CDK14: variants seen among roughly 807,000 people sequenced by gnomAD.
CDK14 encodes cyclin-dependent kinase 14.
A neutral mutation model predicts 60.7 loss-of-function variants in CDK14; 34 were observed. The ratio of observed to expected loss-of-function variants is 0.56; its 90% CI spans 0.43 to 0.75. CDK14 has a LOEUF of 0.75. CDK14 is among the 30% of genes least tolerant of loss of function. The pLI is 0.00. For missense variants in CDK14, 482 were observed against 564.1 expected, an observed-to-expected ratio of 0.85 and a Z score of 1.47; for synonymous variants, 197 against 203.7, an observed-to-expected ratio of 0.97 and a Z score of 0.28.
chr7:90,828,377 A>G (rs1789796641), intron 5 of CDK14, among the ~76,000 whole-genome samples: 1 of 152,200 alleles, frequency 6.6e-6, no homozygotes, highest in South Asian at 2.1e-4. Flanking sequence ...GAGGATTCTA[A>G]GTCTCTACCT....
In CDK14 at chr7:90,947,094, G is replaced by C. The variant is rs531746019; in HGVS notation, c.827-8603G>C. ...TAACGATTTTCTCTTTTCTTCACAG[G>C]CTTTTTGTCTGATTATCTGGAGGCT... On this transcript the variant is annotated intron_variant, in intron 8 of 14. Coordinates refer to ENST00000380050, the MANE Select transcript of CDK14 (RefSeq NM_001287135.2). Among the ~76,000 whole-genome samples the C allele has an allele frequency of 2.0e-5, 3 of 152,236 alleles. No individual in the cohort carries two copies. The South Asian group carries it at 6.2e-4, about 32-fold the overall frequency.
intron 8 of CDK14, among the ~76,000 whole-genome samples, chr7:90,933,460 T>C (rs1793656898): frequency 6.6e-6 from 1 of 152,188 alleles, no homozygotes; most frequent in Non-Finnish European, 1.5e-5. Flanking sequence ...TGTAGTATCT[T>C]TTCAAATCTT....
chr7:91,194,653 A>G (rs1802478453), intron 14 of CDK14, among the ~76,000 whole-genome samples: 1 of 152,182 alleles, frequency 6.6e-6, no homozygotes, highest in African/African-American at 2.4e-5. Flanking sequence ...TTTAATACCA[A>G]CAGACTGGAA....
At chr7:90,876,481 C>T (rs759174881) in intron 6 of CDK14, among the ~76,000 whole-genome samples, 3 of 152,210 alleles carry the variant, frequency 2.0e-5, no homozygotes, top group South Asian at 2.1e-4. Flanking sequence ...TCCATGTTTT[C>T]GACTTCCATA....
At chr7:90,691,672 GAGA>G (rs1230891922) in intron 2 of CDK14, among the ~76,000 whole-genome samples, 5 of 152,262 alleles carry the variant, frequency 3.3e-5, no homozygotes, top group East Asian at 1.9e-4. Context: ...CAGCTATTCT[GAGA>G]AGAAGACAGT....
At chr7:90,675,718 C>G (rs1801185162) in intron 2 of CDK14, among the ~76,000 whole-genome samples, 1 of 152,154 alleles carries the variant, frequency 6.6e-6, no homozygotes, top group Admixed American at 6.5e-5. Flanking sequence ...AAGTATTGGC[C>G]TCCTTTCCAT....
intron 2 of CDK14, among the ~76,000 whole-genome samples, chr7:90,669,359 G>C (rs900678756): frequency 7.9e-5 from 12 of 152,200 alleles, no homozygotes; most frequent in African/African-American, 2.9e-4. Context: ...CCTACCCACA[G>C]TTTAGTCTAC....
At chr7:90,827,762 A>G (rs1289337593) in intron 5 of CDK14, among the ~76,000 whole-genome samples, 1 of 152,190 alleles carries the variant, frequency 6.6e-6, no homozygotes, top group Non-Finnish European at 1.5e-5. Context: ...TCCCAGAAAC[A>G]CTTTTAAAAT....
intron 12 of CDK14, among the ~76,000 whole-genome samples, chr7:91,094,530 C>T (rs866436787): frequency 1.3e-5 from 2 of 152,204 alleles, no homozygotes; most frequent in East Asian, 3.9e-4. Context: ...CATTTAATCC[C>T]GAAAACAACT....
chr7:91,096,079 A>AAAAAC (rs1798981001), intron 12 of CDK14, among the ~76,000 whole-genome samples: 2 of 150,766 alleles, frequency 1.3e-5, no homozygotes, highest in South Asian at 4.2e-4. Flanking sequence ...AAAAAAAAAA[A>AAAAAC]AAAAAAAAAC....
chr7:91,012,012 A>T (rs937131103), intron 10 of CDK14, among the ~76,000 whole-genome samples: 1 of 151,796 alleles, frequency 6.6e-6, no homozygotes, highest in Non-Finnish European at 1.5e-5. Flanking sequence ...TATATCGTGA[A>T]TTTTTTCTTG....
At chr7:91,154,877 A>G (rs536993113) in intron 14 of CDK14, among the ~76,000 whole-genome samples, 2 of 152,328 alleles carry the variant, frequency 1.3e-5, no homozygotes, top group East Asian at 1.9e-4. Context: ...CTAATTGGCT[A>G]TATAGGCCAA....
intron 2 of CDK14, among the ~76,000 whole-genome samples, chr7:90,630,856 T>G (rs759056582): frequency 2.7e-5 from 4 of 150,806 alleles, no homozygotes; most frequent in Non-Finnish European, 5.9e-5. Flanking sequence ...TTTGGTGGTG[T>G]TATCTCTGAG....
rs147507262 is a variant in CDK14 at position 90,824,278 on chromosome 7, C to T, written c.544+33626C>T. Among the ~76,000 whole-genome samples, 194 of 152,240 alleles carry T rather than the reference C, an allele frequency of 1.3e-3. 1 individual carries two copies. The highest frequency in any genetic ancestry group is 4.4e-3 in the African/African-American group (183 of 41,512). On this transcript the variant is annotated intron_variant, in intron 5 of 14. Coordinates refer to ENST00000380050, the MANE Select transcript of CDK14 (RefSeq NM_001287135.2). The stretch of plus-strand genomic sequence containing the variant: ...GAAGAGTTAGCTGCCAGCATGATCT[C>T]CATTATAGGTGAGAAAATCAAAGCT...
intron 4 of CDK14, among the ~76,000 whole-genome samples, chr7:90,752,292 A>AC (rs906026524): frequency 1.1e-4 from 16 of 152,080 alleles, no homozygotes; most frequent in African/African-American, 3.9e-4. Flanking sequence ...TAAATTAAAA[A>AC]AAAAAATCAA....
rs1801375840 is a variant in CDK14, at chr7:90,683,909, TG to T, written c.124-42657del. Among the ~76,000 whole-genome samples the T allele has an allele frequency of 3.4e-5, 5 of 146,844 alleles. No homozygotes were observed. In the South Asian group the frequency reaches 1.1e-3, roughly 31 times the overall value. ...GCTAGAAAATGTACGTGTGTGTGTGTGTGTGTGTGTGTGTGTGTGTGTGTAT... is the reference window on the plus strand; with the variant it reads ...GCTAGAAAATGTACGTGTGTGTGTGTTGTGTGTGTGTGTGTGTGTGTGTAT... On this transcript the variant is annotated intron_variant, in intron 2 of 14. Coordinates refer to ENST00000380050, the MANE Select transcript of CDK14 (RefSeq NM_001287135.2).
At chr7:91,134,490 A>C (rs1800211866) in intron 14 of CDK14, among the ~76,000 whole-genome samples, 2 of 152,168 alleles carry the variant, frequency 1.3e-5, no homozygotes, top group Non-Finnish European at 2.9e-5. Flanking sequence ...TAAGGGGTAG[A>C]AAGACTGGGA....
chr7:90,883,405 T>A (rs1426046545), intron 6 of CDK14, among the ~76,000 whole-genome samples: 1 of 152,040 alleles, frequency 6.6e-6, no homozygotes, highest in Non-Finnish European at 1.5e-5. Context: ...CAGGAAGAAG[T>A]CTAATCCCTG....
chr7:90,860,342 C>A (rs1481975459), intron 5 of CDK14, among the ~76,000 whole-genome samples: 1 of 151,786 alleles, frequency 6.6e-6, no homozygotes, highest in East Asian at 1.9e-4. Flanking sequence ...ATATTTATAT[C>A]ATTTGACCCC....
Sources: allele counts gnomAD v4.1 joint callset (sites outside exome capture counted in the v4.1 genomes callset), GRCh38; gene constraint gnomAD v4.1.1; transcripts MANE v1.5; gene names NCBI Gene and HGNC (gene_info 2026-07-23, HGNC 2026-07-21).